The following AAK1 variants were observed in gnomAD, a reference collection of about 807,000 sequenced individuals.
AAK1 encodes AP2 associated kinase 1.
In AAK1, 37 loss-of-function variants were observed where a neutral mutation model predicts 116.0. The ratio of observed to expected loss-of-function variants is 0.32; its 90% CI spans 0.25 to 0.42. AAK1 has a LOEUF of 0.42. AAK1 is among the 10% of genes least tolerant of loss of function. The probability of loss-of-function intolerance (pLI) is 1.00; values close to 1 mark genes in which losing one functional copy is unlikely to be tolerated. For missense variants in AAK1, 919 were observed against 1,170.6 expected, an observed-to-expected ratio of 0.79 and a Z score of 3.14; for synonymous variants, 458 against 439.9, an observed-to-expected ratio of 1.04 and a Z score of -0.51.
At chr2:69,544,577 T>C (rs1282291020) in intron 3 of AAK1, 33 bp from the exon 4 acceptor site, 3 of 1,499,472 alleles carry the variant, frequency 2.0e-6, no homozygotes, top group Non-Finnish European at 2.8e-6. Context: ...ATATTGTTAG[T>C]TTCAGATGCC....
chr2:69,475,026 C>T lies in AAK1; in HGVS notation c.*843G>A, dbSNP rs1674802203. ...CTAATAAAAGGTATCATATTACCAC[C>T]GTCTTGTTTTGGTCTAATTCTGAGA... On this transcript the variant is annotated 3_prime_UTR_variant, in exon 22 of 22. Coordinates refer to ENST00000409085, the MANE Select transcript of AAK1 (RefSeq NM_014911.5). 3.7e-5 allele frequency: 36 copies of T among 969,004 alleles called. No homozygotes were observed. The highest frequency in any genetic ancestry group is 4.4e-5 in the Non-Finnish European group (36 of 826,088). 60.0% of individuals were successfully genotyped at this position (969,004 alleles called of 1,614,324 possible).
At chr2:69,571,058 G>A (rs957016365) in intron 2 of AAK1, among the ~76,000 whole-genome samples, 1 of 152,054 alleles carries the variant, frequency 6.6e-6, no homozygotes, top group African/African-American at 2.4e-5. Flanking sequence ...CCACTTGTAT[G>A]CATTCTAGTC....
chr2:69,595,418 T>C (rs1303417549), intron 2 of AAK1, among the ~76,000 whole-genome samples: 1 of 152,176 alleles, frequency 6.6e-6, no homozygotes, highest in East Asian at 1.9e-4. Flanking sequence ...ACCCAACCTC[T>C]TGAAGGAAAT....
intron 2 of AAK1, among the ~76,000 whole-genome samples, chr2:69,625,910 A>G (rs1674875430): frequency 6.6e-6 from 1 of 151,802 alleles, no homozygotes; most frequent in Admixed American, 6.6e-5. Context: ...TCCTTTCCCT[A>G]CTCTTCTTAA....
chr2:69,544,384 C>T, intron 4 of AAK1, 52 bp downstream of exon 4: 1 of 1,427,164 alleles, frequency 7.0e-7, no homozygotes, highest in Admixed American at 1.7e-5. Flanking sequence ...CTAACCATGA[C>T]AATCAAAATG....
At chr2:69,580,623 C>T (rs1672503277) in intron 2 of AAK1, among the ~76,000 whole-genome samples, 1 of 152,188 alleles carries the variant, frequency 6.6e-6, no homozygotes, top group African/African-American at 2.4e-5. Flanking sequence ...AGCACTTTTG[C>T]TCCAGGTTCC....
At chr2:69,609,220 G>A (rs552489908) in intron 2 of AAK1, among the ~76,000 whole-genome samples, 8 of 151,892 alleles carry the variant, frequency 5.3e-5, no homozygotes, top group South Asian at 2.1e-4. Flanking sequence ...AAAATTAGCC[G>A]GGCTTGGTGG....
At position 69,471,823 on chromosome 2, in the gene AAK1, T is replaced by G; in HGVS notation, c.*4046A>C. ...GCTGAAGGCAGAACTGTTCCTAACC[T>G]GGGGAAGGTTATATTGGTTGATCAA... On this transcript the variant is annotated 3_prime_UTR_variant, in exon 22 of 22. Coordinates refer to ENST00000409085, the MANE Select transcript of AAK1 (RefSeq NM_014911.5). The G allele has an allele frequency of 1.0e-6, 1 of 985,424 alleles. No individual in the cohort carries two copies. The highest frequency in any genetic ancestry group is 1.7e-5 in the African/African-American group (1 of 57,350). The allele number at this position is 985,424 out of a possible 1,614,324, so 61.0% of individuals were successfully genotyped here.
intron 2 of AAK1, among the ~76,000 whole-genome samples, chr2:69,582,950 C>T (rs1672609280): frequency 6.6e-6 from 1 of 152,276 alleles, no homozygotes; most frequent in South Asian, 2.1e-4. Flanking sequence ...TGTGCAGTTA[C>T]ACCCACCGTG....
intron 2 of AAK1, among the ~76,000 whole-genome samples, chr2:69,593,632 T>C (rs1673133111): frequency 6.6e-6 from 1 of 152,224 alleles, no homozygotes; most frequent in Non-Finnish European, 1.5e-5. Context: ...TTGTTTTATA[T>C]ATCTTTTCTT....
intron 2 of AAK1, chr2:69,595,191 C>T (rs998587921): frequency 2.7e-6 from 1 of 373,684 alleles, no homozygotes; most frequent in Non-Finnish European, 5.2e-6. Context: ...TGGCTCACTG[C>T]AACCTCTGCT....
rs1674726929 is a variant in AAK1, at chr2:69,472,884, G to A, written c.*2985C>T. The A allele has an allele frequency of 1.6e-5, 16 of 985,756 alleles. No homozygotes were observed. The highest frequency in any genetic ancestry group is 1.9e-5 in the Non-Finnish European group (16 of 829,824). 61.1% of individuals were successfully genotyped at this position (985,756 alleles called of 1,614,324 possible). On this transcript the variant is annotated 3_prime_UTR_variant, in exon 22 of 22. Coordinates refer to ENST00000409085, the MANE Select transcript of AAK1 (RefSeq NM_014911.5). ...TAAAAAGGAAAATCTCTAAGATTAT[G>A]ATTTAGGCTTCTATTCAGATAATCA...
At position 69,600,306 on chromosome 2, in the gene AAK1, T is replaced by G. The variant is rs1304917592; in HGVS notation, c.163+42572A>C. 2.7e-5 allele frequency among the ~76,000 whole-genome samples: 4 copies of G among 145,792 alleles called. No homozygotes were observed. The East Asian group carries it at 8.3e-4, about 30-fold the overall frequency. On this transcript the variant is annotated intron_variant, in intron 2 of 21. Coordinates refer to ENST00000409085, the MANE Select transcript of AAK1 (RefSeq NM_014911.5). The stretch of plus-strand genomic sequence containing the variant: ...TCTGTCTCAGTTTTTTTTTTTTTTT[T>G]GCACTAACAATCAGTTTGTGAATAA...
chr2:69,562,404 A>G (rs1239662819), intron 2 of AAK1, among the ~76,000 whole-genome samples: 1 of 152,240 alleles, frequency 6.6e-6, no homozygotes, highest in Non-Finnish European at 1.5e-5. Context: ...AGGATCATGG[A>G]GTCACCAATG....
In AAK1 at chr2:69,496,028, G is replaced by C. The variant is rs61734090; in HGVS notation, c.2322C>G (p.Ser774Arg). 6.4e-7 allele frequency: 1 copy of C among 1,554,898 alleles called. No homozygotes were observed. Among genetic ancestry groups the C allele is most frequent in the Non-Finnish European group, 8.7e-7 (1 of 1,148,836 alleles). ...QTVDSGLPLL[S>R]VSDPFIPLQV... ...GAAGAGGAATGAAAGGATCAGACAC[G>C]CTTAGAAGCGGGAGGCCAGAGTCCA... Residue 774 changes from serine to arginine, a missense_variant, in exon 17 of 22, where the codon AGC becomes AGG. Coordinates refer to ENST00000409085, the MANE Select transcript of AAK1 (RefSeq NM_014911.5).
At chr2:69,593,968 G>A (rs948803303) in intron 2 of AAK1, among the ~76,000 whole-genome samples, 2 of 152,186 alleles carry the variant, frequency 1.3e-5, no homozygotes, top group African/African-American at 2.4e-5. Context: ...TCAGGTTGGC[G>A]TCCTTCTCCA....
chr2:69,570,644 C>T (rs566191490), intron 2 of AAK1, among the ~76,000 whole-genome samples: 6 of 152,204 alleles, frequency 3.9e-5, no homozygotes, highest in African/African-American at 1.4e-4. Context: ...GCAAGGAGAG[C>T]TTCTTATTTA....
In AAK1 at chr2:69,474,303, T is replaced by C. The variant is rs996300927; in HGVS notation, c.*1566A>G. 4 of 985,740 alleles carry C rather than the reference T, an allele frequency of 4.1e-6. No individual in the cohort carries two copies. The highest frequency in any genetic ancestry group is 1.7e-5 in the African/African-American group (1 of 57,240). 61.1% of individuals were successfully genotyped at this position (985,740 alleles called of 1,614,324 possible). ...ATCTGATTAACTAAGAGTTTCCCTT[T>C]TGATGATGGACAATGGCACTAGAGG... On this transcript the variant is annotated 3_prime_UTR_variant, in exon 22 of 22. Transcript: ENST00000409085.
Position 69,469,197 on chromosome 2 carries a change from A to G in AAK1, c.*6672T>C. 1 of 985,386 alleles carries G rather than the reference A, an allele frequency of 1.0e-6. No individual in the cohort carries two copies. The highest frequency in any genetic ancestry group is 1.2e-6 in the Non-Finnish European group (1 of 829,948). The allele number at this position is 985,386 out of a possible 1,614,324, so 61.0% of individuals were successfully genotyped here. On this transcript the variant is annotated 3_prime_UTR_variant, in exon 22 of 22. Transcript: ENST00000409085. ...TGTGGCTGAGGCGGAGAGCAACCAC[A>G]CTTTGCAACTCTCCAGGCCTGGCAC...
Sources: gnomAD v4.1 joint callset for allele counts (sites outside exome capture counted in the v4.1 genomes callset) on GRCh38, gnomAD v4.1.1 for gene constraint, MANE v1.5 for transcripts, NCBI Gene and HGNC (gene_info 2026-07-23, HGNC 2026-07-21) for gene names.